MAP2K4: variants seen among roughly 807,000 people sequenced by gnomAD.
The protein encoded by MAP2K4 is dual specificity mitogen-activated protein kinase kinase 4.
A neutral mutation model predicts 48.5 loss-of-function variants in MAP2K4; 4 were observed. The observed-to-expected ratio is 0.08, with a 90% CI of 0.04 to 0.19. The LOEUF (loss-of-function observed/expected upper bound fraction) is 0.19, where lower values mean the gene tolerates loss of function less well. MAP2K4 is among the 10% of genes least tolerant of loss of function. MAP2K4 has a pLI of 1.00. For missense variants in MAP2K4, 258 were observed against 493.3 expected, an observed-to-expected ratio of 0.52 and a Z score of 4.52; for synonymous variants, 166 against 173.1, an observed-to-expected ratio of 0.96 and a Z score of 0.32.
chr17:12,039,575 C>G (rs930919882), intron 1 of MAP2K4, among the ~76,000 whole-genome samples: 17 of 152,176 alleles, frequency 1.1e-4, no homozygotes, highest in African/African-American at 3.9e-4. Flanking sequence ...AAATGTGTTA[C>G]ATGTCTTCTA....
intron 2 of MAP2K4, among the ~76,000 whole-genome samples, chr17:12,074,617 G>C (rs1970934004): frequency 6.6e-6 from 1 of 152,120 alleles, no homozygotes; most frequent in South Asian, 2.1e-4. Flanking sequence ...GGCTTGTATA[G>C]GTTCCTCACA....
chr17:12,091,246 T>A (rs1407466299), intron 3 of MAP2K4, among the ~76,000 whole-genome samples: 1 of 152,252 alleles, frequency 6.6e-6, no homozygotes, highest in African/African-American at 2.4e-5. Flanking sequence ...CTGTCAACAT[T>A]TAAATCTACC....
chr17:12,043,046 CAA>C (rs879872998), intron 1 of MAP2K4, among the ~76,000 whole-genome samples: 2 of 130,134 alleles, frequency 1.5e-5, no homozygotes, highest in Admixed American at 7.7e-5. Context: ...GACTCCGTCT[CAA>C]AAAAAAAAAA....
chr17:12,039,055 G>A (rs1042378553), intron 1 of MAP2K4, among the ~76,000 whole-genome samples: 8 of 152,126 alleles, frequency 5.3e-5, no homozygotes, highest in African/African-American at 1.7e-4. Context: ...AGAAAGATTC[G>A]TGTTGCTATG....
intron 2 of MAP2K4, among the ~76,000 whole-genome samples, chr17:12,062,723 G>A (rs1970488620): frequency 6.6e-6 from 1 of 152,196 alleles, no homozygotes; most frequent in Non-Finnish European, 1.5e-5. Flanking sequence ...AATTGTGTTT[G>A]TATTTCGACA....
intron 7 of MAP2K4, among the ~76,000 whole-genome samples, chr17:12,119,914 G>A (rs1972628822): frequency 6.6e-6 from 1 of 152,196 alleles, no homozygotes; most frequent in Non-Finnish European, 1.5e-5. Flanking sequence ...TGCAGGAACA[G>A]AAAATCAAAT....
At chr17:12,114,918 G>C (rs1972437578) in intron 7 of MAP2K4, among the ~76,000 whole-genome samples, 1 of 152,188 alleles carries the variant, frequency 6.6e-6, no homozygotes, top group South Asian at 2.1e-4. Flanking sequence ...GAACACAAAG[G>C]CTGATAAACT....
chr17:12,073,287 G>A (rs1047418324), intron 2 of MAP2K4, among the ~76,000 whole-genome samples: 5 of 152,192 alleles, frequency 3.3e-5, no homozygotes, highest in Admixed American at 2.0e-4. Flanking sequence ...GGATGCTGAT[G>A]AATTTTATCT....
At chr17:12,051,007 T>C (rs1597413818) in intron 1 of MAP2K4, among the ~76,000 whole-genome samples, 1 of 152,198 alleles carries the variant, frequency 6.6e-6, no homozygotes, top group Non-Finnish European at 1.5e-5. Flanking sequence ...GTGCTGGCTG[T>C]TCTCTTAAGG....
At chr17:12,095,779 G>A in intron 4 of MAP2K4, 85 bp downstream of exon 4, 1 of 1,415,294 alleles carries the variant, frequency 7.1e-7, no homozygotes, top group Non-Finnish European at 9.8e-7. Context: ...ATTCTTAAAT[G>A]CCATACATTA....
intron 1 of MAP2K4, among the ~76,000 whole-genome samples, chr17:12,029,732 C>A (rs76682237): frequency 0.014 from 2,105 of 151,996 alleles, 27 homozygotes; most frequent in Non-Finnish European, 0.022. Flanking sequence ...TGAGACTAGC[C>A]TGGGCAACAT....
intron 2 of MAP2K4, 117 bp downstream of exon 2, chr17:12,055,108 G>A (rs922337562): frequency 3.2e-5 from 19 of 595,978 alleles, no homozygotes; most frequent in Non-Finnish European, 4.9e-5. Flanking sequence ...AACTCTCTGG[G>A]AATATTGTTT....
intron 7 of MAP2K4, chr17:12,115,819 G>C (rs1972472080): frequency 5.5e-6 from 4 of 724,428 alleles, no homozygotes; most frequent in African/African-American, 1.7e-5. Context: ...CTGCTGACAG[G>C]AGCTGCACTG....
intron 1 of MAP2K4, 193 bp downstream of exon 1, chr17:12,021,194 C>G (rs1474544414): frequency 5.9e-6 from 2 of 340,406 alleles, no homozygotes; most frequent in Non-Finnish European, 1.0e-5. Context: ...GGCTCCGGCC[C>G]GCATAGGCCC....
In MAP2K4 at chr17:12,042,579, C is replaced by T. The variant is rs544069747; in HGVS notation, c.116-12310C>T. Among the ~76,000 whole-genome samples the T allele has an allele frequency of 7.8e-4, 119 of 151,916 alleles. 1 individual carries two copies. The highest frequency in any genetic ancestry group is 2.7e-3 in the African/African-American group (111 of 41,432). On this transcript the variant is annotated intron_variant, in intron 1 of 10. Coordinates refer to ENST00000353533, the MANE Select transcript of MAP2K4 (RefSeq NM_003010.4). ...TCGCCTAAGCTCGGGAGGTGAAAGC[C>T]GCAGTGAGATGTGATCATGCCACTG...
intron 4 of MAP2K4, among the ~76,000 whole-genome samples, chr17:12,099,492 C>T (rs1351618793): frequency 3.3e-5 from 5 of 152,056 alleles, no homozygotes; most frequent in Admixed American, 1.3e-4. Flanking sequence ...CTGAAAGTTC[C>T]GTCACTTATT....
chr17:12,118,674 G>T (rs1449009136), intron 7 of MAP2K4, among the ~76,000 whole-genome samples: 1 of 152,210 alleles, frequency 6.6e-6, no homozygotes, highest in Non-Finnish European at 1.5e-5. Context: ...GATATCCTTA[G>T]ATCAGTGAAG....
Position 12,141,693 on chromosome 17 carries a change from A to G in MAP2K4, c.*433A>G, listed in dbSNP as rs1973382424. ...CATAGAAACTCGGGCTTGAGTGAGA[A>G]GAGCTTGCACAGCCAACGAGACACA... On this transcript the variant is annotated 3_prime_UTR_variant, in exon 11 of 11. Transcript: ENST00000353533. 1 of 243,096 alleles carries G rather than the reference A, an allele frequency of 4.1e-6. No homozygotes were observed. The allele number at this position is 243,096 out of a possible 1,614,324, so 15.1% of individuals were successfully genotyped here.
rs555426817 is a variant in MAP2K4, at chr17:12,106,941, T to C, written c.514-849T>C. Reference sequence around the variant, plus strand: ...TTCCTCGGTTTCTAGTTTTGTTTTGTTTTTTCTTTTTGTAATTTATGGAAC... The same window carrying C: ...TTCCTCGGTTTCTAGTTTTGTTTTGCTTTTTCTTTTTGTAATTTATGGAAC... On this transcript the variant is annotated intron_variant, in intron 4 of 10. Transcript: ENST00000353533. Among the ~76,000 whole-genome samples, 200 of 152,252 alleles carry C rather than the reference T, an allele frequency of 1.3e-3. 1 individual carries two copies. Among genetic ancestry groups the C allele is most frequent in the African/African-American group, 4.3e-3 (180 of 41,548 alleles).
Sources: allele counts gnomAD v4.1 joint callset (sites outside exome capture counted in the v4.1 genomes callset), GRCh38; gene constraint gnomAD v4.1.1; transcripts MANE v1.5; gene names NCBI Gene and HGNC (gene_info 2026-07-23, HGNC 2026-07-21).